Variants in ARHGEF28 observed in about 807,000 individuals in gnomAD.
ARHGEF28 encodes the protein 190 kDa guanine nucleotide exchange factor.
ARHGEF28 carries 152 observed loss-of-function variants against 206.6 expected under a neutral mutation model. That is an observed-to-expected ratio of 0.74 (90% CI 0.64 to 0.84). The LOEUF (loss-of-function observed/expected upper bound fraction) is 0.84. Among genes scored for constraint, ARHGEF28 ranks in the 40% least tolerant of loss-of-function variants. The pLI is 0.00. For missense variants in ARHGEF28, 2,028 were observed against 2,073.2 expected (o/e 0.98, Z 0.42); for synonymous variants, 763 against 776.4 (o/e 0.98, Z 0.29).
rs989529893 is a variant in ARHGEF28 at position 73,767,596 on chromosome 5, A to G, written c.476-6259A>G. Among the ~76,000 whole-genome samples the G allele has an allele frequency of 1.2e-4, 19 of 152,142 alleles. 1 individual carries two copies. Among genetic ancestry groups the G allele is most frequent in the African/African-American group, 4.1e-4 (17 of 41,386 alleles). ...AGCCATGATTTAGGGCATCTGGCGG[A>G]AGAAATTTCTAAGCAGCAAAGCCTT... On this transcript the variant is annotated intron_variant, in intron 4 of 35. Coordinates refer to ENST00000513042, the MANE Select transcript of ARHGEF28 (RefSeq NM_001177693.2).
At chr5:73,676,496 C>T (rs1283351930) in intron 1 of ARHGEF28, among the ~76,000 whole-genome samples, 1 of 152,186 alleles carries the variant, frequency 6.6e-6, no homozygotes, top group East Asian at 1.9e-4. Context: ...GCCTCAGACT[C>T]CCAAAGTACT....
chr5:73,748,713 G>A (rs1751870485), intron 2 of ARHGEF28, among the ~76,000 whole-genome samples: 2 of 152,166 alleles, frequency 1.3e-5, no homozygotes, highest in African/African-American at 4.8e-5. Context: ...ACGCAGGGCC[G>A]AGCTCTGGAA....
chr5:73,677,610 C>T (rs1189920229), intron 1 of ARHGEF28, among the ~76,000 whole-genome samples: 1 of 152,138 alleles, frequency 6.6e-6, no homozygotes, highest in Non-Finnish European at 1.5e-5. Context: ...TTAAAATAGT[C>T]TAATACTTTT....
At chr5:73,908,260 T>C (rs1196521453) in intron 33 of ARHGEF28, 1 of 152,178 alleles carries the variant, frequency 6.6e-6, no homozygotes, top group Non-Finnish European at 1.5e-5. Flanking sequence ...CAAGTATGAA[T>C]TTAAAATATA....
At chr5:73,823,619 C>A (rs1357478152) in intron 9 of ARHGEF28, among the ~76,000 whole-genome samples, 1 of 152,160 alleles carries the variant, frequency 6.6e-6, no homozygotes, top group East Asian at 1.9e-4. Flanking sequence ...CAAGACTCAG[C>A]AAACTGCCAG....
At chr5:73,869,961 T>C (rs1561471714) in intron 20 of ARHGEF28, 108 bp from the exon 21 acceptor site, 2 of 1,325,862 alleles carry the variant, frequency 1.5e-6, no homozygotes, top group South Asian at 3.0e-5. Context: ...GTAGTTTCCA[T>C]GTTCATAGCA....
intron 9 of ARHGEF28, among the ~76,000 whole-genome samples, chr5:73,813,971 C>T (rs1024223245): frequency 4.0e-5 from 6 of 151,020 alleles, no homozygotes; most frequent in Non-Finnish European, 8.8e-5. Context: ...TTCACTTCTT[C>T]AGAATTACCT....
At chr5:73,899,221 A>G (rs549402283) in intron 30 of ARHGEF28, 62 of 152,230 alleles carry the variant, frequency 4.1e-4, no homozygotes, top group African/African-American at 1.4e-3. Flanking sequence ...TTTCCTTTTA[A>G]AAGAAGAACC....
intron 2 of ARHGEF28, among the ~76,000 whole-genome samples, chr5:73,691,436 T>C (rs1747822674): frequency 1.3e-5 from 2 of 152,106 alleles, no homozygotes; most frequent in African/African-American, 4.8e-5. Context: ...AGCTAACCCT[T>C]AGAGTCATCT....
chr5:73,909,161 G>A, intron 33 of ARHGEF28: 1 of 392,688 alleles, frequency 2.5e-6, no homozygotes. Context: ...CACAGGAGAG[G>A]ATGATATTGC....
chr5:73,794,752 G>A lies in ARHGEF28; in HGVS notation c.963+298G>A, dbSNP rs12517473. 0.6 allele frequency among the ~76,000 whole-genome samples: 90,936 copies of A among 151,352 alleles called. 28,499 individuals carry two copies. Among genetic ancestry groups the A allele is most frequent in the African/African-American group, 0.8 (32,985 of 41,238 alleles). On this transcript the variant is annotated intron_variant, in intron 8 of 35. Coordinates refer to ENST00000513042, the MANE Select transcript of ARHGEF28 (RefSeq NM_001177693.2). ...CTCCTGAGTAGCTGGGACTATAGGC[G>A]CCCACCACCACGTCTGGCTAATTTT... is the stretch of plus-strand genomic sequence containing the variant.
intron 26 of ARHGEF28, among the ~76,000 whole-genome samples, chr5:73,891,723 C>T (rs1014079159): frequency 1.3e-5 from 2 of 152,050 alleles, no homozygotes; most frequent in Admixed American, 6.5e-5. Context: ...TGGGGTTTCA[C>T]CACATTGGCC....
chr5:73,923,407 G>A (rs1284418050), intron 35 of ARHGEF28, among the ~76,000 whole-genome samples: 1 of 152,204 alleles, frequency 6.6e-6, no homozygotes, highest in Non-Finnish European at 1.5e-5. Flanking sequence ...TCGGCTGGAA[G>A]CGAACAAAGT....
intron 2 of ARHGEF28, among the ~76,000 whole-genome samples, chr5:73,725,945 C>G (rs1750244329): frequency 6.6e-6 from 1 of 152,206 alleles, no homozygotes. Context: ...GCAAGACATA[C>G]ATTTCTGAAT....
chr5:73,804,693 T>G, intron 9 of ARHGEF28, among the ~76,000 whole-genome samples: 1 of 150,088 alleles, frequency 6.7e-6, no homozygotes, highest in East Asian at 1.9e-4. Context: ...CTTAATTGGG[T>G]TTTTTCTGAT....
At chr5:73,686,187 T>C (rs1017808195) in intron 2 of ARHGEF28, among the ~76,000 whole-genome samples, 5 of 152,116 alleles carry the variant, frequency 3.3e-5, no homozygotes, top group Non-Finnish European at 5.9e-5. Context: ...ACAGTTGGGT[T>C]TGGCCCAGAC....
At chr5:73,686,017 C>A (rs982805401) in intron 2 of ARHGEF28, among the ~76,000 whole-genome samples, 1 of 152,178 alleles carries the variant, frequency 6.6e-6, no homozygotes, top group Admixed American at 6.5e-5. Flanking sequence ...ACTCACTCAC[C>A]CTCACTCCCT....
intron 1 of ARHGEF28, chr5:73,627,295 A>G (rs1051367740): frequency 6.6e-6 from 1 of 152,182 alleles, no homozygotes; most frequent in African/African-American, 2.4e-5. Flanking sequence ...AGAAAGTAAG[A>G]TCTTTAATTT....
At chr5:73,876,575 A>G (rs1402003198) in intron 22 of ARHGEF28, among the ~76,000 whole-genome samples, 1 of 147,700 alleles carries the variant, frequency 6.8e-6, no homozygotes, top group South Asian at 2.1e-4. Context: ...GATAGCTCTT[A>G]TTATTTTGAG....
Sources: gnomAD v4.1 joint callset for allele counts (sites outside exome capture counted in the v4.1 genomes callset) on GRCh38, gnomAD v4.1.1 for gene constraint, MANE v1.5 for transcripts, NCBI Gene and HGNC (gene_info 2026-07-23, HGNC 2026-07-21) for gene names.